Variants in NBEA observed in about 807,000 individuals in gnomAD.
The protein encoded by NBEA is lysosomal-trafficking regulator 2.
Under a neutral mutation model 343.4 loss-of-function variants are expected in NBEA, and 44 were observed. The ratio of observed to expected loss-of-function variants is 0.13; its 90% CI spans 0.10 to 0.16. NBEA has a LOEUF of 0.16. Ranked by LOEUF, NBEA falls within the 10% of genes least tolerant of loss-of-function variation. NBEA has a pLI of 1.00. For missense variants in NBEA, 2,555 were observed against 3,631.3 expected (o/e 0.70, Z 7.62); for synonymous variants, 1,175 against 1,238.7 (o/e 0.95, Z 1.08).
In NBEA at chr13:35,153,062, G is replaced by A. The variant is rs1180842468; in HGVS notation, c.2446-2712G>A. ...TTTTTTTTTTTTTTTTTTTGAGACAGAGTCTCACTCTGTCGCCCAGGCTGC... is the reference window on the plus strand; with the variant it reads ...TTTTTTTTTTTTTTTTTTTGAGACAAAGTCTCACTCTGTCGCCCAGGCTGC... On this transcript the variant is annotated intron_variant, in intron 18 of 58. Transcript: ENST00000379939. Among the ~76,000 whole-genome samples, 43 of 126,132 alleles carry A rather than the reference G, an allele frequency of 3.4e-4. No individual in the cohort carries two copies. In the East Asian group the frequency reaches 8.3e-3, roughly 24 times the overall value. 82.7% of individuals were successfully genotyped at this position (126,132 alleles called of 152,430 possible).
At chr13:35,052,580 T>C (rs2152564493) in intron 6 of NBEA, among the ~76,000 whole-genome samples, 1 of 152,028 alleles carries the variant, frequency 6.6e-6, no homozygotes, top group South Asian at 2.1e-4. Context: ...TCAGTATATA[T>C]ACATAATATC....
intron 30 of NBEA, among the ~76,000 whole-genome samples, chr13:35,191,207 A>G (rs2072165337): frequency 6.6e-6 from 1 of 152,128 alleles, no homozygotes; most frequent in African/African-American, 2.4e-5. Context: ...AAAGAAGAGA[A>G]AAAGAAAGGA....
In NBEA at chr13:35,590,092, G is replaced by A. The variant is rs190396425; in HGVS notation, c.7177-3236G>A. On this transcript the variant is annotated intron_variant, in intron 46 of 58. Transcript: ENST00000379939. ...TGGAAAATGGCCCAATTGACAGGTA[G>A]TAGGCAAATAAATATAAAAGTTTTT... Among the ~76,000 whole-genome samples the A allele has an allele frequency of 2.6e-5, 4 of 152,200 alleles. No individual in the cohort carries two copies. In the East Asian group the frequency reaches 7.7e-4, roughly 29 times the overall value.
intron 43 of NBEA, among the ~76,000 whole-genome samples, chr13:35,553,837 T>C (rs2079458608): frequency 1.3e-5 from 2 of 152,322 alleles, no homozygotes; most frequent in Admixed American, 1.3e-4. Context: ...ATTTGTCAGA[T>C]ACCACACAAA....
At chr13:35,501,017 G>A (rs1168997228) in intron 41 of NBEA, among the ~76,000 whole-genome samples, 6 of 152,048 alleles carry the variant, frequency 3.9e-5, no homozygotes, top group African/African-American at 1.4e-4. Context: ...TCCATGCGTG[G>A]GATATCGCTA....
rs192909868 is a variant in NBEA at position 35,603,067 on chromosome 13, T to C, written c.7297-3359T>C. ...TAACTTGAATAAGCAAGATAACATT[T>C]TTTAAACAGAAAAGTTTCCCCTTAA... On this transcript the variant is annotated intron_variant, in intron 47 of 58. Transcript: ENST00000379939. Among the ~76,000 whole-genome samples the C allele has an allele frequency of 1.1e-4, 16 of 152,324 alleles. No homozygotes were observed. In the East Asian group the frequency reaches 3.1e-3, roughly 29 times the overall value.
At chr13:35,428,256 C>G (rs1379023457) in intron 38 of NBEA, among the ~76,000 whole-genome samples, 1 of 152,122 alleles carries the variant, frequency 6.6e-6, no homozygotes, top group Non-Finnish European at 1.5e-5. Context: ...GGAGCTGTTC[C>G]TATTCGGCCA....
chr13:35,074,643 G>A (rs1593258430), intron 10 of NBEA, among the ~76,000 whole-genome samples: 3 of 152,108 alleles, frequency 2.0e-5, no homozygotes, highest in Admixed American at 2.0e-4. Flanking sequence ...GTGGTACATG[G>A]CATTTATTGA....
chr13:35,557,246 T>C (rs1056910040), intron 44 of NBEA, among the ~76,000 whole-genome samples: 2 of 152,124 alleles, frequency 1.3e-5, no homozygotes, highest in Non-Finnish European at 2.9e-5. Flanking sequence ...CCCTTCCCAC[T>C]GCATTTTACT....
At chr13:35,308,438 CTATATATATATATATA>C (rs5802761) in intron 35 of NBEA, among the ~76,000 whole-genome samples, 20 of 88,972 alleles carry the variant, frequency 2.2e-4, no homozygotes, top group African/African-American at 3.8e-4. Flanking sequence ...CTGCTATTTA[CTATATATATATATATA>C]TATATATATA....
chr13:35,380,535 A>G lies in NBEA; in HGVS notation c.6179+28212A>G, dbSNP rs77424827. Among the ~76,000 whole-genome samples the G allele has an allele frequency of 4.3e-3, 649 of 152,220 alleles. 4 individuals carry two copies. Among genetic ancestry groups the G allele is most frequent in the African/African-American group, 0.015 (625 of 41,536 alleles). ...CATCAGATTTATTTGTAGGTGTTAGATATTTTTTGAAGCTGCTGTAAAAAA... is the reference window on the plus strand; with the variant it reads ...CATCAGATTTATTTGTAGGTGTTAGGTATTTTTTGAAGCTGCTGTAAAAAA... On this transcript the variant is annotated intron_variant, in intron 38 of 58. Transcript: ENST00000379939.
intron 10 of NBEA, among the ~76,000 whole-genome samples, chr13:35,087,736 A>G (rs552767776): frequency 1.4e-4 from 22 of 152,048 alleles, no homozygotes; most frequent in African/African-American, 5.1e-4. Context: ...TAGAGAGAGC[A>G]TCAACTTTAG....
At position 35,667,585 on chromosome 13, in the gene NBEA, T is replaced by C; in HGVS notation, c.8661+15T>C. ...ATTCAACACGGGTAAATCTGCATAGTTCGTGCTAAGTAGGACTGAAGCCAA... is the reference window on the plus strand; with the variant it reads ...ATTCAACACGGGTAAATCTGCATAGCTCGTGCTAAGTAGGACTGAAGCCAA... On this transcript the variant is annotated intron_variant, in intron 57 of 58. Coordinates refer to ENST00000379939, the MANE Select transcript of NBEA (RefSeq NM_001385012.1). 1 of 1,611,142 alleles carries C rather than the reference T, an allele frequency of 6.2e-7. No individual in the cohort carries two copies. The highest frequency in any genetic ancestry group is 8.5e-7 in the Non-Finnish European group (1 of 1,177,434).
intron 6 of NBEA, among the ~76,000 whole-genome samples, chr13:35,052,572 A>G (rs2063102647): frequency 1.3e-5 from 2 of 151,830 alleles, no homozygotes. Context: ...TGCAGACTTC[A>G]GTATATATAC....
At chr13:35,133,809 A>C (rs2067562789) in intron 17 of NBEA, among the ~76,000 whole-genome samples, 1 of 152,070 alleles carries the variant, frequency 6.6e-6, no homozygotes, top group Admixed American at 6.5e-5. Context: ...CATGGGAATA[A>C]AAAACAAAAT....
intron 1 of NBEA, among the ~76,000 whole-genome samples, chr13:35,037,783 G>C (rs1314221306): frequency 1.3e-5 from 2 of 152,152 alleles, no homozygotes; most frequent in African/African-American, 2.4e-5. Context: ...TGGCTGTGCT[G>C]GGTCACACCT....
chr13:34,971,727 T>G (rs1359418178), intron 1 of NBEA, among the ~76,000 whole-genome samples: 1 of 152,150 alleles, frequency 6.6e-6, no homozygotes, highest in African/African-American at 2.4e-5. Context: ...TGAATAAGTT[T>G]GTTGATGTGC....
chr13:35,401,675 A>G (rs941317863), intron 38 of NBEA, among the ~76,000 whole-genome samples: 9 of 152,028 alleles, frequency 5.9e-5, no homozygotes, highest in Admixed American at 2.6e-4. Context: ...TTCAGAATCA[A>G]TAAGATCCGT....
intron 37 of NBEA, among the ~76,000 whole-genome samples, chr13:35,350,012 C>T (rs570109288): frequency 6.6e-6 from 1 of 152,030 alleles, no homozygotes; most frequent in Admixed American, 6.6e-5. Context: ...ATTGCAACAA[C>T]CGTATTCTGA....
Sources: gnomAD v4.1 joint callset for allele counts (sites outside exome capture counted in the v4.1 genomes callset) on GRCh38, gnomAD v4.1.1 for gene constraint, MANE v1.5 for transcripts, NCBI Gene and HGNC (gene_info 2026-07-23, HGNC 2026-07-21) for gene names.